The following BMP2K variants were observed in gnomAD, a reference collection of about 807,000 sequenced individuals.
BMP2K encodes BMP2 inducible kinase.
Under a neutral mutation model 116.0 loss-of-function variants are expected in BMP2K, and 74 were observed. The ratio of observed to expected loss-of-function variants is 0.64; its 90% CI spans 0.53 to 0.77. The LOEUF (loss-of-function observed/expected upper bound fraction) is 0.77, where lower values mean the gene tolerates loss of function less well. Among genes scored for constraint, BMP2K ranks in the 30% least tolerant of loss-of-function variants. The pLI, the probability that BMP2K is intolerant of heterozygous loss-of-function variation, is 0.00. For synonymous variants in BMP2K, 486 were observed against 502.5 expected (o/e 0.97, Z 0.44); for missense variants, 1,365 against 1,403.6 (o/e 0.97, Z 0.44).
chr4:78,791,229 C>T (rs1578469028), intron 1 of BMP2K, among the ~76,000 whole-genome samples: 1 of 152,226 alleles, frequency 6.6e-6, no homozygotes, highest in East Asian at 1.9e-4. Context: ...TAATGGTTCT[C>T]AAAGTGTGGT....
At chr4:78,777,721 G>A (rs1470348537) in intron 1 of BMP2K, among the ~76,000 whole-genome samples, 5 of 152,194 alleles carry the variant, frequency 3.3e-5, no homozygotes, top group African/African-American at 7.2e-5. Flanking sequence ...TCAGTTCTCC[G>A]AGCGTTAGAC....
At chr4:78,799,943 A>T (rs929262785) in intron 1 of BMP2K, among the ~76,000 whole-genome samples, 2 of 152,184 alleles carry the variant, frequency 1.3e-5, no homozygotes, top group African/African-American at 2.4e-5. Context: ...GATTTAGTCG[A>T]TGGAATATTA....
In BMP2K at chr4:78,786,257, C is replaced by T. The variant is rs149511944; in HGVS notation, c.178+9536C>T. On this transcript the variant is annotated intron_variant, in intron 1 of 15. Coordinates refer to ENST00000502613, the MANE Select transcript of BMP2K (RefSeq NM_198892.2). ...TAAAAGAGGCCCCAGAGAGATCCCT[C>T]ATCCCTTGCACTACATAAGGTTAGA... Among the ~76,000 whole-genome samples the T allele has an allele frequency of 6.6e-5, 10 of 152,264 alleles. 1 individual carries two copies. The East Asian group carries it at 1.9e-3, about 29-fold the overall frequency.
chr4:78,896,233 G>A (rs2033060), intron 15 of BMP2K, among the ~76,000 whole-genome samples: 22,008 of 152,132 alleles, frequency 0.14, 2,958 homozygotes, highest in African/African-American at 0.36. Flanking sequence ...TGGTGAGCCA[G>A]TGATCAAACT....
chr4:78,848,868 T>G (rs1350912196), intron 6 of BMP2K, among the ~76,000 whole-genome samples: 1 of 150,934 alleles, frequency 6.6e-6, no homozygotes. Context: ...GGGAGAATTT[T>G]AATTTCCCTG....
chr4:78,869,508 AAG>A (rs2110056816), intron 10 of BMP2K, among the ~76,000 whole-genome samples: 1 of 152,312 alleles, frequency 6.6e-6, no homozygotes, highest in African/African-American at 2.4e-5. Context: ...AATAGGTAGA[AAG>A]AGGATATTGA....
At chr4:78,807,947 T>G (rs1332057295) in intron 1 of BMP2K, among the ~76,000 whole-genome samples, 4 of 152,134 alleles carry the variant, frequency 2.6e-5, no homozygotes, top group Admixed American at 2.0e-4. Flanking sequence ...AGTTTTGATT[T>G]CTCTATACTT....
intron 15 of BMP2K, among the ~76,000 whole-genome samples, chr4:78,888,692 A>G (rs745894429): frequency 2.6e-5 from 4 of 152,196 alleles, no homozygotes; most frequent in Non-Finnish European, 4.4e-5. Flanking sequence ...GTACTTCGCA[A>G]CATGTTCACA....
In BMP2K at chr4:78,887,266, C is replaced by G. The variant is rs772219784; in HGVS notation, c.2044C>G (p.Pro682Ala). 2 of 1,607,720 alleles carry G rather than the reference C, an allele frequency of 1.2e-6. No individual in the cohort carries two copies. Among genetic ancestry groups the G allele is most frequent in the East Asian group, 2.2e-5 (1 of 44,684 alleles). The part of the protein sequence containing the change: ...HPPEDPFGSV[P>A]FISHSGSPEK... ...TCCAGAAGATCCTTTTGGTTCTGTT[C>G]CTTTCATTTCTCATTCAGGCAAGTT... The change falls in exon 15 of 16, where the codon CCT becomes GCT. Residue 682 changes from proline to alanine, a missense_variant. Pro to Ala is a conservative substitution (Grantham distance 27, BLOSUM62 -1). Transcript: ENST00000502613.
chr4:78,828,884 G>A (rs1730011967), intron 2 of BMP2K, among the ~76,000 whole-genome samples: 1 of 152,318 alleles, frequency 6.6e-6, no homozygotes, highest in East Asian at 1.9e-4. Flanking sequence ...GATCAGGGTA[G>A]TGGTTGCTGA....
In BMP2K at chr4:78,865,726, A is replaced by G. The variant is rs1383196056; in HGVS notation, c.1231+6A>G. 1 of 1,613,536 alleles carries G rather than the reference A, an allele frequency of 6.2e-7. No individual in the cohort carries two copies. Among genetic ancestry groups the G allele is most frequent in the Non-Finnish European group, 8.5e-7 (1 of 1,179,612 alleles). On this transcript the variant is annotated splice_donor_region_variant and intron_variant, in intron 10 of 15. Transcript: ENST00000502613. Reference sequence around the variant, plus strand: ...CGGTAACCATAGACCAAAAGGTAATAGAGCCCCGCCAACCTCATCCTCTTA... The same window carrying G: ...CGGTAACCATAGACCAAAAGGTAATGGAGCCCCGCCAACCTCATCCTCTTA...
At chr4:78,892,035 G>C (rs1733466551) in intron 15 of BMP2K, among the ~76,000 whole-genome samples, 1 of 152,294 alleles carries the variant, frequency 6.6e-6, no homozygotes, top group South Asian at 2.1e-4. Context: ...TTTTATTCAT[G>C]AAGGATATTG....
At chr4:78,850,799 AT>A (rs1482494643) in intron 6 of BMP2K, 124 bp from the exon 7 acceptor site, 62 of 875,170 alleles carry the variant, frequency 7.1e-5, no homozygotes, top group South Asian at 6.9e-5. Context: ...TTTTTAAGAA[AT>A]AATTTGTAAA....
chr4:78,911,876 G>A lies in BMP2K; in HGVS notation c.3329G>A (p.Gly1110Glu), dbSNP rs1268975848. The A allele has an allele frequency of 2.5e-6, 4 of 1,613,772 alleles. No individual in the cohort carries two copies. The highest frequency in any genetic ancestry group is 3.4e-6 in the Non-Finnish European group (4 of 1,179,868). ...CGGCCAAGACAAAATTCACTACATG[G>A]GTCATTCCATAGTGCAGATGTATTG... ...PGRPRQNSLH[G>E]SFHSADVLKM... Residue 1110 changes from glycine (G) to glutamate (E), a missense_variant, in exon 16 of 16, where the codon GGG becomes GAG. This residue lies in a region of BMP2K where 596 missense variants were observed against 623.2 expected (regional missense o/e 0.96). Coordinates refer to ENST00000502613, the MANE Select transcript of BMP2K (RefSeq NM_198892.2).
chr4:78,888,779 G>T (rs1733248562), intron 15 of BMP2K, among the ~76,000 whole-genome samples: 1 of 152,148 alleles, frequency 6.6e-6, no homozygotes, highest in Non-Finnish European at 1.5e-5. Context: ...CTAATTGAGG[G>T]TGGGAAATAT....
chr4:78,880,048 T>G (rs6843114), intron 14 of BMP2K: 30,453 of 152,090 alleles, frequency 0.2, 6,738 homozygotes, highest in African/African-American at 0.55. Context: ...TGTTGAGTAG[T>G]CCCAAAAGCA....
intron 1 of BMP2K, among the ~76,000 whole-genome samples, chr4:78,823,624 A>C (rs2109994899): frequency 6.7e-6 from 1 of 148,268 alleles, no homozygotes; most frequent in South Asian, 2.1e-4. Context: ...GTATATATAT[A>C]TATAGTTATA....
intron 1 of BMP2K, among the ~76,000 whole-genome samples, chr4:78,796,399 G>T (rs531407720): frequency 8.5e-6 from 1 of 117,650 alleles, no homozygotes; most frequent in Non-Finnish European, 1.8e-5. Flanking sequence ...GGTGGGGGGA[G>T]GGGGGAGGGA....
At chr4:78,817,587 T>C (rs977574184) in intron 1 of BMP2K, among the ~76,000 whole-genome samples, 3 of 152,196 alleles carry the variant, frequency 2.0e-5, no homozygotes, top group East Asian at 3.8e-4. Context: ...AGCCCTATGT[T>C]CACCAACCAG....
Sources: allele counts gnomAD v4.1 joint callset (sites outside exome capture counted in the v4.1 genomes callset), GRCh38; gene constraint gnomAD v4.1.1; regional missense constraint gnomAD v4.1.1; transcripts MANE v1.5; gene names NCBI Gene and HGNC (gene_info 2026-07-23, HGNC 2026-07-21).